The following RFPL1 variants were observed in gnomAD, a reference collection of about 807,000 sequenced individuals.
The protein encoded by RFPL1 is ret finger protein-like 1.
Under a neutral mutation model 9.6 loss-of-function variants are expected in RFPL1, and 6 were observed. That is an observed-to-expected ratio of 0.62 (90% CI 0.34 to 1.23). The LOEUF (loss-of-function observed/expected upper bound fraction) is 1.23. Ranked by LOEUF, RFPL1 falls within the 50% of genes most tolerant of loss-of-function variation. The pLI, the probability that RFPL1 is intolerant of heterozygous loss-of-function variation, is 0.03. For synonymous variants in RFPL1, 145 were observed against 149.4 expected (o/e 0.97, Z 0.22); for missense variants, 352 against 398.4 (o/e 0.88, Z 0.99).
chr22:29,402,213 T>C, the RFPL1 span, among the ~76,000 whole-genome samples: 1 of 152,288 alleles, frequency 6.6e-6, no homozygotes, highest in Middle Eastern at 3.4e-3. Context: ...AACTTCTCCA[T>C]CTAGATTGAT....
the RFPL1 span, among the ~76,000 whole-genome samples, chr22:29,426,476 G>T: frequency 1.3e-5 from 2 of 152,116 alleles, no homozygotes; most frequent in African/African-American, 4.8e-5. Context: ...TTGAGGCTGG[G>T]TGCAGTGGCT....
upstream of RFPL1, among the ~76,000 whole-genome samples, chr22:29,436,107 G>A (rs1423601967): frequency 6.6e-6 from 1 of 151,904 alleles, no homozygotes; most frequent in East Asian, 1.9e-4. Flanking sequence ...TACCTAGATG[G>A]GAGAAATGGG....
the RFPL1 span, among the ~76,000 whole-genome samples, chr22:29,414,942 T>C: frequency 1.3e-5 from 2 of 152,208 alleles, no homozygotes; most frequent in African/African-American, 2.4e-5. Flanking sequence ...ACTGAATGCA[T>C]TTGGGCCATC....
At chr22:29,399,287 A>G in the RFPL1 span, among the ~76,000 whole-genome samples, 11 of 150,984 alleles carry the variant, frequency 7.3e-5, no homozygotes, top group Non-Finnish European at 1.6e-4. Flanking sequence ...TTTAAAATCT[A>G]TTTTCATGAC....
At chr22:29,399,624 C>T in the RFPL1 span, among the ~76,000 whole-genome samples, 1 of 152,220 alleles carries the variant, frequency 6.6e-6, no homozygotes, top group Non-Finnish European at 1.5e-5. Flanking sequence ...TGTCCTCAAA[C>T]TTTACTTAAA....
At chr22:29,405,758 A>G in the RFPL1 span, among the ~76,000 whole-genome samples, 1 of 152,224 alleles carries the variant, frequency 6.6e-6, no homozygotes, top group Non-Finnish European at 1.5e-5. Context: ...GAATTGGAAA[A>G]TACGGGTTGT....
the RFPL1 span, among the ~76,000 whole-genome samples, chr22:29,413,630 T>C: frequency 2.0e-5 from 3 of 152,366 alleles, no homozygotes; most frequent in South Asian, 2.1e-4. Context: ...ATATTAGTGT[T>C]ATTAATGTTA....
chr22:29,404,288 A>T, the RFPL1 span, among the ~76,000 whole-genome samples: 1 of 152,264 alleles, frequency 6.6e-6, no homozygotes, highest in Non-Finnish European at 1.5e-5. Flanking sequence ...GGGTAGCCAA[A>T]GTGCGTGTTT....
chr22:29,398,363 G>A, the RFPL1 span, among the ~76,000 whole-genome samples: 1 of 152,206 alleles, frequency 6.6e-6, no homozygotes, highest in African/African-American at 2.4e-5. Context: ...GGTGCCATTT[G>A]CCAAAAACTC....
At chr22:29,417,957 T>TTTTA in the RFPL1 span, among the ~76,000 whole-genome samples, 1 of 150,356 alleles carries the variant, frequency 6.7e-6, no homozygotes, top group Non-Finnish European at 1.5e-5. Flanking sequence ...TTTTTTTTTT[T>TTTTA]GAGAGGGAGT....
chr22:29,416,588 T>A, the RFPL1 span, among the ~76,000 whole-genome samples: 4 of 152,198 alleles, frequency 2.6e-5, no homozygotes, highest in Admixed American at 2.6e-4. Flanking sequence ...CTCTGATACT[T>A]AATGTGGCCC....
chr22:29,405,333 G>A, the RFPL1 span, among the ~76,000 whole-genome samples: 1 of 152,166 alleles, frequency 6.6e-6, no homozygotes, highest in African/African-American at 2.4e-5. Flanking sequence ...CCACCTCCAG[G>A]CCAGCAGATG....
At chr22:29,441,175 A>T (rs1418595808) in intron 1 of RFPL1, 4 of 262,180 alleles carry the variant, frequency 1.5e-5, no homozygotes, top group Non-Finnish European at 2.2e-5. Context: ...GCAGAAACAT[A>T]TTTAACATCG....
At chr22:29,408,608 T>G in the RFPL1 span, among the ~76,000 whole-genome samples, 1 of 152,154 alleles carries the variant, frequency 6.6e-6, no homozygotes, top group Non-Finnish European at 1.5e-5. Flanking sequence ...ATGCTTTTTG[T>G]TTTTTCTGGG....
the RFPL1 span, among the ~76,000 whole-genome samples, chr22:29,410,845 A>G: frequency 6.6e-6 from 1 of 150,818 alleles, no homozygotes; most frequent in Non-Finnish European, 1.5e-5. Flanking sequence ...GCATATTTCC[A>G]TCTGGGTGAA....
the RFPL1 span, among the ~76,000 whole-genome samples, chr22:29,425,160 C>T: frequency 2.7e-5 from 4 of 147,302 alleles, no homozygotes; most frequent in Non-Finnish European, 6.0e-5. Context: ...GCCGAGATTG[C>T]GCCACTGCAC....
intron 1 of RFPL1, 180 bp from the exon 2 acceptor site, chr22:29,441,353 TATTGCCACA>T: frequency 1.6e-6 from 1 of 631,568 alleles, no homozygotes; most frequent in Non-Finnish European, 2.7e-6. Flanking sequence ...AAGAGTTGGG[TATTGCCACA>T]AAGCATACCT....
the RFPL1 span, chr22:29,388,718 C>T: frequency 6.6e-6 from 1 of 152,370 alleles, no homozygotes. Context: ...CGCTGCTATG[C>T]TGCAGTCTCC....
At chr22:29,436,144 G>A (rs142581769), upstream of RFPL1, among the ~76,000 whole-genome samples, 2,411 of 152,160 alleles carry the variant, frequency 0.016, 52 homozygotes, top group African/African-American at 0.056. Flanking sequence ...GAAGGGTAAG[G>A]GGGAGGGGAG....
Sources: allele counts gnomAD v4.1 joint callset (sites outside exome capture counted in the v4.1 genomes callset), GRCh38; gene constraint gnomAD v4.1.1; transcripts MANE v1.5; gene names NCBI Gene and HGNC (gene_info 2026-07-23, HGNC 2026-07-21).